Variants in PRKAG1 observed in about 807,000 individuals in gnomAD.
The protein encoded by PRKAG1 is 5'-AMP-activated protein kinase subunit gamma-1.
A neutral mutation model predicts 48.2 loss-of-function variants in PRKAG1; 27 were observed. That is an observed-to-expected ratio of 0.56 (90% CI 0.41 to 0.77). The LOEUF is 0.77. Among genes scored for constraint, PRKAG1 ranks in the 30% least tolerant of loss-of-function variants. PRKAG1 has a pLI of 0.00. For missense variants in PRKAG1, 287 were observed against 398.3 expected (o/e 0.72, Z 2.38); for synonymous variants, 130 against 147.7 (o/e 0.88, Z 0.87).
Position 49,004,963 on chromosome 12 carries a change from C to T in PRKAG1, c.410+1G>A. 6.2e-7 allele frequency: 1 copy of T among 1,613,668 alleles called. No individual in the cohort carries two copies. The highest frequency in any genetic ancestry group is 8.5e-7 in the Non-Finnish European group (1 of 1,179,866). On this transcript the variant is annotated splice_donor_variant, in intron 7 of 11. Transcript: ENST00000548065. LOFTEE classifies it high-confidence loss of function. ...TGGACAGATGGGTAACTGGAACTCA[C>T]CTGGCATTAGGAGAAATGCAGACAA...
chr12:49,016,004 G>A (rs775061435), intron 1 of PRKAG1, among the ~76,000 whole-genome samples: 1 of 150,592 alleles, frequency 6.6e-6, no homozygotes, highest in Non-Finnish European at 1.5e-5. Flanking sequence ...GGAGTGCAGC[G>A]GCATGATCAC....
At chr12:49,007,525 G>A (rs1034328252) in intron 2 of PRKAG1, among the ~76,000 whole-genome samples, 2 of 152,060 alleles carry the variant, frequency 1.3e-5, no homozygotes, top group African/African-American at 4.8e-5. Flanking sequence ...TAGACACACA[G>A]TTAAATCAGT....
intron 2 of PRKAG1, among the ~76,000 whole-genome samples, chr12:49,010,157 G>A (rs1226011677): frequency 6.6e-6 from 1 of 152,000 alleles, no homozygotes; most frequent in South Asian, 2.1e-4. Context: ...AGTGGGGTGG[G>A]GGGCAGTTTG....
At chr12:49,006,401 C>A (rs1941539373) in intron 2 of PRKAG1, among the ~76,000 whole-genome samples, 1 of 151,934 alleles carries the variant, frequency 6.6e-6, no homozygotes, top group African/African-American at 2.4e-5. Flanking sequence ...CTAAGACCTG[C>A]AAATGGGAAA....
At chr12:49,014,651 G>A (rs770363797) in intron 1 of PRKAG1, among the ~76,000 whole-genome samples, 2 of 152,234 alleles carry the variant, frequency 1.3e-5, no homozygotes, top group Non-Finnish European at 2.9e-5. Flanking sequence ...TAAGGAACAC[G>A]AATGTACTGA....
intron 1 of PRKAG1, chr12:49,017,509 G>C (rs1360780351): frequency 4.2e-6 from 1 of 239,240 alleles, no homozygotes; most frequent in African/African-American, 2.3e-5. Flanking sequence ...ACCACACCTG[G>C]CTGAGTTTTC....
intron 8 of PRKAG1, chr12:49,004,248 C>T (rs1377605476): frequency 7.6e-6 from 4 of 526,272 alleles, no homozygotes; most frequent in African/African-American, 1.9e-5. Flanking sequence ...GCCATGATAG[C>T]GCCTCTGCAC....
At chr12:49,004,808 AGAGACT>A (rs1178770394) in intron 7 of PRKAG1, 150 bp downstream of exon 7, 1 of 1,202,210 alleles carries the variant, frequency 8.3e-7, no homozygotes, top group South Asian at 1.4e-5. Context: ...AGAGAGAGAG[AGAGACT>A]GTGTGTGTGT....
rs201607367 is a variant in PRKAG1 at position 49,018,712 on chromosome 12, C to A, written c.9+20G>T. 1.9e-6 allele frequency: 3 copies of A among 1,613,378 alleles called. No individual in the cohort carries two copies. The highest frequency in any genetic ancestry group is 2.5e-6 in the Non-Finnish European group (3 of 1,179,960). On this transcript the variant is annotated intron_variant, in intron 1 of 11. Coordinates refer to ENST00000548065, the MANE Select transcript of PRKAG1 (RefSeq NM_002733.5). The stretch of plus-strand genomic sequence containing the variant: ...TCTTAGGCTCCACAGCGCCCCCGAC[C>A]GCCCTCCTGCACTCCTCACCGTCTC...
intron 2 of PRKAG1, among the ~76,000 whole-genome samples, chr12:49,009,622 GT>G (rs990160215): frequency 6.6e-6 from 1 of 151,642 alleles, no homozygotes; most frequent in Non-Finnish European, 1.5e-5. Flanking sequence ...TGTTGTTTTT[GT>G]TTTTTTGAGA....
chr12:49,016,607 C>G (rs1941984504), intron 1 of PRKAG1: 1 of 153,242 alleles, frequency 6.5e-6, no homozygotes, highest in Non-Finnish European at 1.5e-5. Flanking sequence ...TACCTCTCAC[C>G]TCTGCAACGT....
rs1454093700 is a variant in PRKAG1, at chr12:49,010,903, G to A, written c.58+2159C>T. Among the ~76,000 whole-genome samples, 3 of 151,340 alleles carry A rather than the reference G, an allele frequency of 2.0e-5. No homozygotes were observed. The East Asian group carries it at 5.8e-4, about 29-fold the overall frequency. Reference sequence around the variant, plus strand: ...CTGTCACCCAAGCTGGAGTGCAGTGGTGCGATCTCCACTCACTGCAACCTC... The same window carrying A: ...CTGTCACCCAAGCTGGAGTGCAGTGATGCGATCTCCACTCACTGCAACCTC... On this transcript the variant is annotated intron_variant, in intron 2 of 11. Transcript: ENST00000548065.
At chr12:49,018,416 G>A (rs1942091738) in intron 1 of PRKAG1, 1 of 1,250,582 alleles carries the variant, frequency 8.0e-7, no homozygotes, top group Non-Finnish European at 1.0e-6. Context: ...ACCTCTAAAA[G>A]GGCTTGAGGT....
At chr12:49,004,707 T>C (rs1941447463) in intron 7 of PRKAG1, 74 bp from the exon 8 acceptor site, 1 of 1,597,412 alleles carries the variant, frequency 6.3e-7, no homozygotes, top group Non-Finnish European at 8.6e-7. Context: ...ATACAGTGTA[T>C]TGCTCAACAG....
chr12:49,012,209 G>A (rs939478230), intron 2 of PRKAG1, among the ~76,000 whole-genome samples: 3 of 152,032 alleles, frequency 2.0e-5, no homozygotes, highest in African/African-American at 4.8e-5. Context: ...GGTCCATGTA[G>A]GCAATTTGAG....
At chr12:49,017,303 C>T (rs938622056) in intron 1 of PRKAG1, 2 of 435,174 alleles carry the variant, frequency 4.6e-6, no homozygotes, top group South Asian at 1.6e-5. Context: ...TTGGATCAAG[C>T]GATCCTCCCA....
intron 2 of PRKAG1, among the ~76,000 whole-genome samples, chr12:49,008,251 T>C (rs2137665109): frequency 6.6e-6 from 1 of 152,334 alleles, no homozygotes; most frequent in African/African-American, 2.4e-5. Flanking sequence ...AACTTTGTTT[T>C]ACCTGGAGTT....
rs1565732947 is a variant in PRKAG1 at position 49,004,816 on chromosome 12, TGTGTGTG to T, written c.410+141_410+147del. 4.4e-3 allele frequency: 956 copies of T among 217,034 alleles called. 8 individuals carry two copies. The African/African-American group carries it at 0.077, about 17-fold the overall frequency. 13.4% of individuals were successfully genotyped at this position (217,034 alleles called of 1,614,324 possible). On this transcript the variant is annotated intron_variant, in intron 7 of 11. Coordinates refer to ENST00000548065, the MANE Select transcript of PRKAG1 (RefSeq NM_002733.5). ...GAGAATGAGAGAGAGAGAGAGACTGTGTGTGTGTGTGTGTGTGTGTGTGTGTGTGTGT... is the reference window on the plus strand; with the variant it reads ...GAGAATGAGAGAGAGAGAGAGACTGTTGTGTGTGTGTGTGTGTGTGTGTGT...
chr12:49,003,250 G>A lies in PRKAG1; in HGVS notation c.782C>T (p.Ser261Phe). 6.2e-7 allele frequency: 1 copy of A among 1,614,184 alleles called. No individual in the cohort carries two copies. The highest frequency in any genetic ancestry group is 8.5e-7 in the Non-Finnish European group (1 of 1,180,034). The change falls in exon 11 of 12, where the codon TCT becomes TTT. Residue 261 changes from serine (S) to phenylalanine (F), a missense_variant. Ser to Phe is a radical substitution (Grantham distance 155, BLOSUM62 -2). Coordinates refer to ENST00000548065, the MANE Select transcript of PRKAG1 (RefSeq NM_002733.5). ...TCGATGTTGCAAGGCTTTAGTCACA[G>A]ATACATCTAGGTTGTTGTAGGTCTT... Reference protein sequence around the residue: ...AEKTYNNLDVSVTKALQHRSH... With the variant: ...AEKTYNNLDVFVTKALQHRSH...
Sources: gnomAD v4.1 joint callset for allele counts (sites outside exome capture counted in the v4.1 genomes callset) on GRCh38, gnomAD v4.1.1 for gene constraint, MANE v1.5 for transcripts, NCBI Gene and HGNC (gene_info 2026-07-23, HGNC 2026-07-21) for gene names.